The following TTC28 variants were observed in gnomAD, a reference collection of about 807,000 sequenced individuals.
The protein encoded by TTC28 is tetratricopeptide repeat protein 28.
A neutral mutation model predicts 198.0 loss-of-function variants in TTC28; 61 were observed. The observed-to-expected ratio is 0.31, with a 90% CI of 0.25 to 0.38. The LOEUF is 0.38. TTC28 is among the 10% of genes least tolerant of loss of function. The pLI is 1.00. For missense variants in TTC28, 2,678 were observed against 3,164.0 expected, an observed-to-expected ratio of 0.85 and a Z score of 3.69; for synonymous variants, 1,171 against 1,297.8, an observed-to-expected ratio of 0.90 and a Z score of 2.10.
intron 2 of TTC28, among the ~76,000 whole-genome samples, chr22:28,344,745 A>C (rs1195165976): frequency 6.6e-6 from 1 of 152,162 alleles, no homozygotes; most frequent in East Asian, 1.9e-4. Flanking sequence ...AAGAAGGAAG[A>C]GTTTTTCTCT....
chr22:28,285,708 C>T (rs2044671619), intron 5 of TTC28, among the ~76,000 whole-genome samples: 1 of 152,130 alleles, frequency 6.6e-6, no homozygotes. Flanking sequence ...AGCAATTATA[C>T]TTCAATAAGG....
At chr22:28,141,447 C>A (rs973721759) in intron 6 of TTC28, among the ~76,000 whole-genome samples, 1 of 151,940 alleles carries the variant, frequency 6.6e-6, no homozygotes, top group Non-Finnish European at 1.5e-5. Context: ...AATAAAAGAC[C>A]CTAAAATGCA....
At chr22:28,169,895 A>C (rs1922475995) in intron 5 of TTC28, among the ~76,000 whole-genome samples, 1 of 151,966 alleles carries the variant, frequency 6.6e-6, no homozygotes, top group Admixed American at 6.6e-5. Flanking sequence ...CAGGAAGCAC[A>C]TCATACTCTT....
At chr22:28,304,012 G>A (rs920422650) in intron 3 of TTC28, among the ~76,000 whole-genome samples, 8 of 152,184 alleles carry the variant, frequency 5.3e-5, no homozygotes, top group Non-Finnish European at 8.8e-5. Context: ...GCAGCCGGGC[G>A]CGGTGGCTCA....
At chr22:28,389,964 T>A (rs1336858754) in intron 2 of TTC28, among the ~76,000 whole-genome samples, 1 of 151,654 alleles carries the variant, frequency 6.6e-6, no homozygotes, top group African/African-American at 2.4e-5. Flanking sequence ...TTTCCTGCTT[T>A]CTCTTGTGGG....
chr22:27,981,181 A>G lies in TTC28; in HGVS notation c.*1040T>C. On this transcript the variant is annotated 3_prime_UTR_variant, in exon 23 of 23. Coordinates refer to ENST00000397906, the MANE Select transcript of TTC28 (RefSeq NM_001145418.2). ...AAAATTCAGCAGCTAATAAAAGGGA[A>G]CAGGAGCCTGGAAGGCGGGATTCTG... 6.8e-6 allele frequency: 1 copy of G among 146,500 alleles called. No individual in the cohort carries two copies. The highest frequency in any genetic ancestry group is 2.2e-4 in the South Asian group (1 of 4,520). 9.1% of individuals were successfully genotyped at this position (146,500 alleles called of 1,614,324 possible). A position where few individuals can be genotyped will look rare whatever the true frequency, so the allele number is the denominator to read the frequency against.
At chr22:28,454,864 A>G (rs2047834930) in intron 2 of TTC28, among the ~76,000 whole-genome samples, 1 of 152,248 alleles carries the variant, frequency 6.6e-6, no homozygotes, top group South Asian at 2.1e-4. Flanking sequence ...TGCCAAACTG[A>G]CAGGCAGCCT....
intron 6 of TTC28, among the ~76,000 whole-genome samples, chr22:28,153,424 G>A (rs1006607687): frequency 2.2e-5 from 3 of 135,078 alleles, no homozygotes; most frequent in East Asian, 2.2e-4. Context: ...AAAAACCTTC[G>A]TTTTTTGTTT....
Position 28,173,069 on chromosome 22 carries a change from C to T in TTC28, c.934-9470G>A, listed in dbSNP as rs554394257. Among the ~76,000 whole-genome samples, 4 of 152,230 alleles carry T rather than the reference C, an allele frequency of 2.6e-5. No individual in the cohort carries two copies. The South Asian group carries it at 8.3e-4, about 32-fold the overall frequency. ...AGACGGCTAGGCTGAGTTCTGCTAC[C>T]AAGCAGAAGCTAGTAATGGCAACTG... On this transcript the variant is annotated intron_variant, in intron 5 of 22. Coordinates refer to ENST00000397906, the MANE Select transcript of TTC28 (RefSeq NM_001145418.2).
chr22:28,081,152 TACACAC>T (rs59531236), intron 12 of TTC28, among the ~76,000 whole-genome samples: 23 of 149,112 alleles, frequency 1.5e-4, no homozygotes, highest in African/African-American at 3.2e-4. Context: ...TGGACATACA[TACACAC>T]ACACACACAC....
chr22:28,670,769 TGAG>T (rs2051867714), intron 1 of TTC28, among the ~76,000 whole-genome samples: 1 of 150,446 alleles, frequency 6.6e-6, no homozygotes, highest in East Asian at 1.9e-4. Flanking sequence ...TTTAACATTT[TGAG>T]GAGATGCCAA....
intron 2 of TTC28, among the ~76,000 whole-genome samples, chr22:28,519,995 A>T (rs1280352791): frequency 6.6e-6 from 1 of 152,248 alleles, no homozygotes; most frequent in Non-Finnish European, 1.5e-5. Flanking sequence ...TCCTTTGAGT[A>T]TATCTGTAAA....
At chr22:28,192,815 T>C (rs893576505) in intron 5 of TTC28, among the ~76,000 whole-genome samples, 3 of 152,184 alleles carry the variant, frequency 2.0e-5, no homozygotes, top group East Asian at 1.9e-4. Flanking sequence ...CTACGTCTGA[T>C]TGGTGTACCT....
At chr22:28,376,844 A>C (rs562136692) in intron 2 of TTC28, among the ~76,000 whole-genome samples, 23 of 152,284 alleles carry the variant, frequency 1.5e-4, no homozygotes, top group African/African-American at 4.6e-4. Context: ...TCAGCTGAGA[A>C]CCAATCAGCA....
At chr22:28,535,952 T>C (rs145567538) in intron 2 of TTC28, among the ~76,000 whole-genome samples, 7,626 of 152,126 alleles carry the variant, frequency 0.05, 298 homozygotes, top group Middle Eastern at 0.15. Flanking sequence ...GGCTCACCCT[T>C]GTAATCCCAG....
At chr22:28,439,485 C>T (rs2047581205) in intron 2 of TTC28, among the ~76,000 whole-genome samples, 1 of 152,160 alleles carries the variant, frequency 6.6e-6, no homozygotes, top group Non-Finnish European at 1.5e-5. Context: ...GAAAAATTCC[C>T]AAGTATAATG....
intron 2 of TTC28, among the ~76,000 whole-genome samples, chr22:28,367,444 T>C (rs2046265691): frequency 6.6e-6 from 1 of 151,942 alleles, no homozygotes; most frequent in East Asian, 1.9e-4. Context: ...AAAGCAGTAC[T>C]AAGGGAAATT....
chr22:28,504,792 TA>T (rs759974139), intron 2 of TTC28, among the ~76,000 whole-genome samples: 5 of 151,562 alleles, frequency 3.3e-5, no homozygotes, highest in African/African-American at 7.3e-5. Context: ...GTAATTTGCT[TA>T]AAAAAAAATC....
chr22:28,407,001 C>A (rs1363560829), intron 2 of TTC28, among the ~76,000 whole-genome samples: 1 of 152,058 alleles, frequency 6.6e-6, no homozygotes, highest in Non-Finnish European at 1.5e-5. Context: ...ATGTGGCCTG[C>A]CTGAAGCAAG....
Sources: gnomAD v4.1 joint callset for allele counts (sites outside exome capture counted in the v4.1 genomes callset) on GRCh38, gnomAD v4.1.1 for gene constraint, MANE v1.5 for transcripts, NCBI Gene and HGNC (gene_info 2026-07-23, HGNC 2026-07-21) for gene names.